The following CCDC77 variants were observed in gnomAD, a reference collection of about 807,000 sequenced individuals.
CCDC77 encodes coiled-coil domain containing 77, also known as coiled-coil domain-containing protein 77.
CCDC77 carries 56 observed loss-of-function variants against 66.8 expected under a neutral mutation model. The observed-to-expected ratio is 0.84, with a 90% confidence interval of 0.68 to 1.05. CCDC77 has a LOEUF of 1.05. Ranked by LOEUF, CCDC77 falls within the 50% of genes least tolerant of loss-of-function variation. CCDC77 has a pLI of 0.00. For synonymous variants in CCDC77, 196 were observed against 195.2 expected (o/e 1.00, Z -0.03); for missense variants, 570 against 576.8 (o/e 0.99, Z 0.12).
intron 4 of CCDC77, among the ~76,000 whole-genome samples, chr12:415,384 T>TG (rs1945218585): frequency 1.9e-5 from 2 of 102,974 alleles, no homozygotes; most frequent in Non-Finnish European, 2.0e-5. Flanking sequence ...CAACATAATA[T>TG]TATGTTAATA....
At position 409,372 on chromosome 12, in the gene CCDC77, G is replaced by A. The variant is rs1270663957; in HGVS notation, c.-12G>A. ...GAATTTTTGTGTATTTGATAGGTGT[G>A]AAAAAGACAGCATGAACTTTACCCC... On this transcript the variant is annotated 5_prime_UTR_variant, in exon 3 of 13. Transcript: ENST00000239830. 6.2e-7 allele frequency: 1 copy of A among 1,612,182 alleles called. No individual in the cohort carries two copies. Among genetic ancestry groups the A allele is most frequent in the Non-Finnish European group, 8.5e-7 (1 of 1,178,954 alleles).
At chr12:412,422 G>A (rs1404708761) in intron 4 of CCDC77, among the ~76,000 whole-genome samples, 1 of 152,220 alleles carries the variant, frequency 6.6e-6, no homozygotes, top group Non-Finnish European at 1.5e-5. Flanking sequence ...CTGAGCTGTG[G>A]CATCATCCAG....
At chr12:405,307 C>T (rs1338473387) in intron 1 of CCDC77, among the ~76,000 whole-genome samples, 3 of 152,164 alleles carry the variant, frequency 2.0e-5, no homozygotes, top group African/African-American at 7.2e-5. Flanking sequence ...AGCTGAAGGA[C>T]ACAGGGTTTT....
intron 4 of CCDC77, among the ~76,000 whole-genome samples, chr12:414,534 G>A (rs762127147): frequency 6.6e-6 from 1 of 151,840 alleles, no homozygotes; most frequent in African/African-American, 2.4e-5. Context: ...TTTTATCCTT[G>A]TATTACACTT....
intron 6 of CCDC77, among the ~76,000 whole-genome samples, chr12:429,885 C>T (rs1480771586): frequency 6.6e-6 from 1 of 152,196 alleles, no homozygotes; most frequent in Admixed American, 6.5e-5. Flanking sequence ...GCCAGCCTTC[C>T]AAGTAGCTGG....
chr12:390,173 C>G (rs1476369881), intron 1 of CCDC77: 1 of 149,702 alleles, frequency 6.7e-6, no homozygotes, highest in Non-Finnish European at 1.5e-5. Flanking sequence ...TCTTTCTGCT[C>G]TCACTTCCCA....
At position 438,525 on chromosome 12, in the gene CCDC77, A is replaced by G. The variant is rs1945796960; in HGVS notation, c.1012A>G (p.Ser338Gly). The change falls in exon 10 of 13, where the codon AGT becomes GGT. Residue 338 changes from serine (S) to glycine (G), a missense_variant. Physicochemically the swap from Ser to Gly is moderately conservative, Grantham distance 56 (BLOSUM62 0). Transcript: ENST00000239830. The part of the protein sequence containing the change: ...IGKVLPVMHE[S>G]HHAQSEYIKS... Reference sequence around the variant, plus strand: ...AAAAGTGTTGCCCGTTATGCATGAGAGTCACCATGCTCAAAGTGAATATAT... The same window carrying G: ...AAAAGTGTTGCCCGTTATGCATGAGGGTCACCATGCTCAAAGTGAATATAT... The G allele has an allele frequency of 6.2e-7, 1 of 1,612,644 alleles. No homozygotes were observed. The highest frequency in any genetic ancestry group is 1.7e-5 in the Admixed American group (1 of 59,982).
intron 3 of CCDC77, 87 bp from the exon 4 acceptor site, chr12:411,660 G>A: frequency 1.8e-6 from 2 of 1,105,430 alleles, no homozygotes; most frequent in Middle Eastern, 3.1e-4. Flanking sequence ...AGCACTTTGG[G>A]AACACAAAAC....
upstream of CCDC77, among the ~76,000 whole-genome samples, chr12:401,359 G>A (rs1436586946): frequency 6.6e-6 from 1 of 152,232 alleles, no homozygotes; most frequent in Admixed American, 6.5e-5. Flanking sequence ...GGGGGTGCCC[G>A]AAAGTGGTGC....
At chr12:418,728 A>G (rs1224692125) in intron 5 of CCDC77, 92 bp downstream of exon 5, 5 of 1,396,922 alleles carry the variant, frequency 3.6e-6, no homozygotes, top group Admixed American at 3.5e-5. Context: ...TAGAGGCAGT[A>G]TCACTCTATT....
At chr12:408,175 A>G (rs1169000436) in intron 2 of CCDC77, among the ~76,000 whole-genome samples, 1 of 152,146 alleles carries the variant, frequency 6.6e-6, no homozygotes, top group East Asian at 1.9e-4. Flanking sequence ...GTGGATTGAC[A>G]GCGAATGCTT....
chr12:438,881 A>C (rs1286376080), intron 10 of CCDC77, among the ~76,000 whole-genome samples: 1 of 151,466 alleles, frequency 6.6e-6, no homozygotes, highest in African/African-American at 2.4e-5. Flanking sequence ...AGCCTGGCCA[A>C]CATGGTGAAA....
chr12:405,107 G>A (rs1424772395), intron 1 of CCDC77, among the ~76,000 whole-genome samples: 1 of 152,216 alleles, frequency 6.6e-6, no homozygotes, highest in Non-Finnish European at 1.5e-5. Flanking sequence ...ATTTTATTCA[G>A]CCACAAAAAG....
At chr12:415,402 C>CATA (rs1469198413) in intron 4 of CCDC77, among the ~76,000 whole-genome samples, 8 of 63,548 alleles carry the variant, frequency 1.3e-4, no homozygotes, top group South Asian at 6.1e-4. Flanking sequence ...ATATAATCAA[C>CATA]ATAATATGTT....
At chr12:391,945 CA>C (rs370471585) in intron 1 of CCDC77, among the ~76,000 whole-genome samples, 492 of 152,294 alleles carry the variant, frequency 3.2e-3, no homozygotes, top group Non-Finnish European at 5.0e-3. Context: ...ATGCTTCCCT[CA>C]GGGGGGGCAC....
At chr12:436,102 G>A (rs1038679858) in intron 9 of CCDC77, among the ~76,000 whole-genome samples, 2 of 146,234 alleles carry the variant, frequency 1.4e-5, no homozygotes, top group Admixed American at 7.0e-5. Context: ...TGTTCCTATT[G>A]CTGATCCTTT....
intron 5 of CCDC77, among the ~76,000 whole-genome samples, chr12:423,312 T>A (rs4980904): frequency 1.1e-3 from 157 of 142,366 alleles, no homozygotes; most frequent in Non-Finnish European, 3.2e-4. Flanking sequence ...ATATATATTT[T>A]TTTTTTTTGT....
rs149902143 is a variant in CCDC77 at position 412,616 on chromosome 12, C to T, written c.270+638C>T. On this transcript the variant is annotated intron_variant, in intron 4 of 12. Coordinates refer to ENST00000239830, the MANE Select transcript of CCDC77 (RefSeq NM_032358.4). Reference sequence around the variant, plus strand: ...CCCCAGCTGTGACAATCAAGAATCTCTCCAGACATTGCCAGATGTTTCTGG... The same window carrying T: ...CCCCAGCTGTGACAATCAAGAATCTTTCCAGACATTGCCAGATGTTTCTGG... Among the ~76,000 whole-genome samples the T allele has an allele frequency of 5.2e-3, 791 of 152,322 alleles. 6 individuals carry two copies. The highest frequency in any genetic ancestry group is 0.018 in the African/African-American group (753 of 41,566).
chr12:441,831 A>G lies in CCDC77; in HGVS notation c.1378A>G (p.Ser460Gly). The G allele has an allele frequency of 6.2e-7, 1 of 1,613,414 alleles. No homozygotes were observed. The change falls in exon 13 of 13, where the codon AGC becomes GGC. Residue 460 changes from serine to glycine, a missense_variant. Ser to Gly is a moderately conservative substitution (Grantham distance 56, BLOSUM62 0). Coordinates refer to ENST00000239830, the MANE Select transcript of CCDC77 (RefSeq NM_032358.4). ...TGCCCTTCTGTGTGAGGTCCGTGAC[A>G]GCAATAGACGGGCACATAAGATACA... The part of the protein sequence containing the change: ...DLALLCEVRD[S>G]NRRAHKIQGE...
Sources: gnomAD v4.1 joint callset for allele counts (sites outside exome capture counted in the v4.1 genomes callset) on GRCh38, gnomAD v4.1.1 for gene constraint, MANE v1.5 for transcripts, NCBI Gene and HGNC (gene_info 2026-07-23, HGNC 2026-07-21) for gene names.